Variants in GBF1 observed in about 807,000 individuals in gnomAD.
The protein encoded by GBF1 is Golgi-specific brefeldin A-resistance guanine nucleotide exchange factor 1.
Under a neutral mutation model 210.5 loss-of-function variants are expected in GBF1, and 114 were observed. That is an observed-to-expected ratio of 0.54 (90% CI 0.47 to 0.63). The LOEUF (loss-of-function observed/expected upper bound fraction) is 0.63. GBF1 is among the 30% of genes least tolerant of loss of function. The probability of loss-of-function intolerance (pLI) is 0.00; values close to 1 mark genes in which losing one functional copy is unlikely to be tolerated. For synonymous variants in GBF1, 850 were observed against 889.2 expected, an observed-to-expected ratio of 0.96 and a Z score of 0.78; for missense variants, 1,851 against 2,357.7, an observed-to-expected ratio of 0.79 and a Z score of 4.45.
intron 3 of GBF1, 70 bp downstream of exon 3, chr10:102,260,186 GAC>G (rs1461277108): frequency 9.1e-6 from 8 of 877,488 alleles, no homozygotes; most frequent in Non-Finnish European, 1.5e-5. Context: ...TGAAAGGATA[GAC>G]AAACTTTTTG....
At chr10:102,231,552 C>G in the GBF1 span, 1 of 1,419,036 alleles carries the variant, frequency 7.0e-7, no homozygotes, top group Non-Finnish European at 9.7e-7. Context: ...CGCGGAGGGC[C>G]CGCGCGGGTG....
At chr10:102,329,348 CACTT>C (rs1413119211) in intron 3 of GBF1, among the ~76,000 whole-genome samples, 1 of 152,178 alleles carries the variant, frequency 6.6e-6, no homozygotes, top group Non-Finnish European at 1.5e-5. Context: ...GTAAACCTGA[CACTT>C]AATTTGTATG....
rs900661576 is a variant in GBF1 at position 102,358,854 on chromosome 10, T to A, written c.1011+125T>A. The A allele has an allele frequency of 9.3e-6, 6 of 648,438 alleles. No individual in the cohort carries two copies. The East Asian group carries it at 1.6e-4, about 18-fold the overall frequency. The allele number at this position is 648,438 out of a possible 1,614,324, so 40.2% of individuals were successfully genotyped here. On this transcript the variant is annotated intron_variant, in intron 10 of 39. Transcript: ENST00000369983. ...GGGGTAACTTCAAAAGAAGCTCTGA[T>A]CTTTCCTGCTTCTCAGAATTGGTTG...
intron 22 of GBF1, 59 bp downstream of exon 22, chr10:102,368,513 T>C: frequency 2.0e-6 from 2 of 1,023,548 alleles, no homozygotes; most frequent in Non-Finnish European, 3.1e-6. Context: ...TAACATGGTT[T>C]TCTCCATGCC....
At chr10:102,234,103 GATGGC>G in the GBF1 span, among the ~76,000 whole-genome samples, 2 of 152,352 alleles carry the variant, frequency 1.3e-5, no homozygotes, top group South Asian at 4.1e-4. Flanking sequence ...GGCTGCACAG[GATGGC>G]ATTAATGTGG....
chr10:102,349,639 T>C (rs1332454490), intron 4 of GBF1, among the ~76,000 whole-genome samples: 1 of 152,156 alleles, frequency 6.6e-6, no homozygotes, highest in Non-Finnish European at 1.5e-5. Flanking sequence ...TGGAGCAACT[T>C]TCTCTGTCAC....
intron 3 of GBF1, among the ~76,000 whole-genome samples, chr10:102,267,012 A>G (rs1361068459): frequency 6.6e-6 from 1 of 152,240 alleles, no homozygotes; most frequent in Non-Finnish European, 1.5e-5. Context: ...ACATTTAAAC[A>G]GAGTCTGGAA....
intron 38 of GBF1, 46 bp from the exon 39 acceptor site, chr10:102,381,077 GGAGA>G (rs772843966): frequency 3.2e-6 from 5 of 1,585,396 alleles, no homozygotes; most frequent in Non-Finnish European, 4.3e-6. Flanking sequence ...GGGCTCTGCT[GGAGA>G]GAGAAAGCAC....
chr10:102,362,379 T>TTG, intron 14 of GBF1, 96 bp from the exon 15 acceptor site: 1 of 886,800 alleles, frequency 1.1e-6, no homozygotes, highest in Admixed American at 2.2e-5. Flanking sequence ...CTAAGGGCAA[T>TTG]GTACAAGTTA....
chr10:102,361,995 G>A, intron 14 of GBF1, 83 bp downstream of exon 14: 1 of 635,688 alleles, frequency 1.6e-6, no homozygotes, highest in Non-Finnish European at 2.6e-6. Context: ...GTTACATACA[G>A]AGAGGGGAAC....
chr10:102,284,095 T>A (rs2075740821), intron 3 of GBF1, among the ~76,000 whole-genome samples: 1 of 151,684 alleles, frequency 6.6e-6, no homozygotes. Flanking sequence ...TGGACTGAGG[T>A]ACCTGCTTGT....
At chr10:102,277,408 T>A (rs1488156029) in intron 3 of GBF1, among the ~76,000 whole-genome samples, 1 of 151,850 alleles carries the variant, frequency 6.6e-6, no homozygotes, top group Non-Finnish European at 1.5e-5. Flanking sequence ...TTTTTTTTTT[T>A]TCAGACAGTC....
chr10:102,248,774 A>G (rs981636095), intron 1 of GBF1, among the ~76,000 whole-genome samples: 2 of 152,160 alleles, frequency 1.3e-5, no homozygotes, highest in African/African-American at 4.8e-5. Context: ...AGCGGGGAAC[A>G]CAGATGTGCG....
chr10:102,376,276 CCAGT>C lies in GBF1; in HGVS notation c.3895_3898del (p.Ser1299IlefsTer12). 1.2e-6 allele frequency: 2 copies of C among 1,613,706 alleles called. No individual in the cohort carries two copies. The highest frequency in any genetic ancestry group is 2.2e-5 in the South Asian group (2 of 91,054). On this transcript the variant is annotated frameshift_variant, in exon 31 of 40. Transcript: ENST00000369983. LOFTEE classifies it high-confidence loss of function. ...CCTTCTCCCTGCCTACCATAGGGGCCCAGTCAGATAGTGAGCTCCCATCCTACCA... is the reference window on the plus strand; with the variant it reads ...CCTTCTCCCTGCCTACCATAGGGGCCCAGATAGTGAGCTCCCATCCTACCA...
intron 3 of GBF1, among the ~76,000 whole-genome samples, chr10:102,314,220 A>G (rs2134029989): frequency 7.0e-6 from 1 of 143,218 alleles, no homozygotes; most frequent in Admixed American, 7.7e-5. Context: ...AAAATGGCTC[A>G]CTGCAGCCTC....
chr10:102,361,595 C>T lies in GBF1; in HGVS notation c.1492-123C>T, dbSNP rs2059607447. On this transcript the variant is annotated intron_variant, in intron 13 of 39. Coordinates refer to ENST00000369983, the MANE Select transcript of GBF1 (RefSeq NM_001377137.1). ...TAGGGGATGGAATACCTTTGGGTGT[C>T]TCTTAATACATGCCTCTAGGCTGGG... 1.3e-5 allele frequency: 8 copies of T among 639,054 alleles called. No individual in the cohort carries two copies. The East Asian group carries it at 2.2e-4, about 17-fold the overall frequency. 39.6% of individuals were successfully genotyped at this position (639,054 alleles called of 1,614,324 possible). A position where few individuals can be genotyped will look rare whatever the true frequency, so the allele number is the denominator to read the frequency against.
chr10:102,318,433 C>A (rs190801915), intron 3 of GBF1, among the ~76,000 whole-genome samples: 31 of 149,894 alleles, frequency 2.1e-4, no homozygotes, highest in African/African-American at 7.4e-4. Context: ...TCAAGCGATC[C>A]ACCTACCTTG....
At chr10:102,276,694 T>G (rs530652229) in intron 3 of GBF1, among the ~76,000 whole-genome samples, 354 of 152,176 alleles carry the variant, frequency 2.3e-3, no homozygotes, top group Admixed American at 4.4e-3. Flanking sequence ...AAATGGGTTG[T>G]GTGCATGTAG....
At chr10:102,274,526 A>G (rs2074740035) in intron 3 of GBF1, among the ~76,000 whole-genome samples, 1 of 151,916 alleles carries the variant, frequency 6.6e-6, no homozygotes, top group African/African-American at 2.4e-5. Context: ...TCTGTGCATC[A>G]CAGACTGACC....
Sources: allele counts gnomAD v4.1 joint callset (sites outside exome capture counted in the v4.1 genomes callset), GRCh38; gene constraint gnomAD v4.1.1; transcripts MANE v1.5; gene names NCBI Gene and HGNC (gene_info 2026-07-23, HGNC 2026-07-21).